Variants in NRG4 observed in about 807,000 individuals in gnomAD.
NRG4 encodes the protein neuregulin 4.
Under a neutral mutation model 15.0 loss-of-function variants are expected in NRG4, and 10 were observed. That is an observed-to-expected ratio of 0.67 (90% CI 0.41 to 1.13). NRG4 has a LOEUF of 1.13. NRG4 is among the 50% of genes most tolerant of loss of function. The pLI, the probability that NRG4 is intolerant of heterozygous loss-of-function variation, is 0.00. For missense variants in NRG4, 139 were observed against 140.2 expected (o/e 0.99, Z 0.04); for synonymous variants, 41 against 50.1 (o/e 0.82, Z 0.77).
chr15:75,983,242 G>A (rs190496692), intron 3 of NRG4, among the ~76,000 whole-genome samples: 1 of 152,226 alleles, frequency 6.6e-6, no homozygotes, highest in African/African-American at 2.4e-5. Flanking sequence ...TGCATAAAAA[G>A]TCTTAGCAGA....
chr15:75,943,664 A>T lies in NRG4; in HGVS notation c.332-10T>A, dbSNP rs759842571. ...CAGTGTTGTTCATGACCTGTGAAAA[A>T]TAAGTAAGAATTAAGATGCTTTCTC... On this transcript the variant is annotated splice_polypyrimidine_tract_variant and intron_variant, in intron 5 of 5. Transcript: ENST00000394907. 9 of 1,538,086 alleles carry T rather than the reference A, an allele frequency of 5.9e-6. No homozygotes were observed. In the African/African-American group the frequency reaches 1.2e-4, roughly 21 times the overall value.
At chr15:75,990,733 G>A (rs1292388275) in intron 3 of NRG4, among the ~76,000 whole-genome samples, 1 of 147,930 alleles carries the variant, frequency 6.8e-6, no homozygotes, top group African/African-American at 2.5e-5. Flanking sequence ...CCAGCCTGGA[G>A]CTGCAGTGGC....
At chr15:76,058,808 C>G (rs1405568967) in intron 1 of NRG4, among the ~76,000 whole-genome samples, 1 of 152,170 alleles carries the variant, frequency 6.6e-6, no homozygotes, top group Non-Finnish European at 1.5e-5. Flanking sequence ...GTGGAGAAGA[C>G]AAACGATAAT....
rs76115282 is a variant in NRG4, at chr15:75,983,332, T to C, written c.105-21358A>G. On this transcript the variant is annotated intron_variant, in intron 3 of 5. Transcript: ENST00000394907. The stretch of plus-strand genomic sequence containing the variant: ...AAACTAATAAAAACCCTCAATAAAA[T>C]AGAAATATAGTTACTTCCTTAGCAT... Among the ~76,000 whole-genome samples, 211 of 152,222 alleles carry C rather than the reference T, an allele frequency of 1.4e-3. 6 individuals carry two copies. In the East Asian group the frequency reaches 0.036, roughly 26 times the overall value.
exon 1 of NRG4, chr15:76,059,721 C>T (rs2036249205): frequency 6.6e-6 from 1 of 151,512 alleles, no homozygotes; most frequent in African/African-American, 2.4e-5. Flanking sequence ...CCGCCCCCTG[C>T]CCAGCTCAGG....
At chr15:76,033,668 T>A (rs1361536921) in intron 5 of NRG4, among the ~76,000 whole-genome samples, 1 of 152,192 alleles carries the variant, frequency 6.6e-6, no homozygotes, top group Non-Finnish European at 1.5e-5. Flanking sequence ...ATTTTCAGTA[T>A]TTTTTCTCCA....
At chr15:76,007,747 T>C (rs1202352421) in intron 3 of NRG4, among the ~76,000 whole-genome samples, 1 of 152,180 alleles carries the variant, frequency 6.6e-6, no homozygotes, top group Non-Finnish European at 1.5e-5. Context: ...CTTCTTCTGA[T>C]AAGCATTCTT....
At chr15:76,053,521 G>T (rs983689892) in intron 2 of NRG4, among the ~76,000 whole-genome samples, 1 of 150,862 alleles carries the variant, frequency 6.6e-6, no homozygotes, top group Non-Finnish European at 1.5e-5. Context: ...TAACTACATG[G>T]ATATGTACTT....
At position 75,981,652 on chromosome 15, in the gene NRG4, A is replaced by C. The variant is rs116659972; in HGVS notation, c.105-19678T>G. On this transcript the variant is annotated intron_variant, in intron 3 of 5. Coordinates refer to ENST00000394907, the MANE Select transcript of NRG4 (RefSeq NM_138573.4). The stretch of plus-strand genomic sequence containing the variant: ...TGAATGCAGCCCTGTGAGTGACCCA[A>C]GATGACACCATGTAGAGTGGCACTG... Among the ~76,000 whole-genome samples the C allele has an allele frequency of 2.8e-3, 430 of 152,326 alleles. 2 individuals are homozygous for C. Among genetic ancestry groups the C allele is most frequent in the African/African-American group, 9.7e-3 (404 of 41,576 alleles).
At chr15:75,946,330 A>C (rs1344085791) in intron 5 of NRG4, among the ~76,000 whole-genome samples, 1 of 152,146 alleles carries the variant, frequency 6.6e-6, no homozygotes, top group African/African-American at 2.4e-5. Context: ...CAACCATCAC[A>C]CCATCTCCAG....
chr15:76,027,959 G>GT, intron 5 of NRG4, among the ~76,000 whole-genome samples: 1 of 152,130 alleles, frequency 6.6e-6, no homozygotes, highest in Non-Finnish European at 1.5e-5. Context: ...AAATCAGAAA[G>GT]TCCCATGAGA....
At chr15:76,000,925 A>G (rs1277075561) in intron 3 of NRG4, among the ~76,000 whole-genome samples, 1 of 152,198 alleles carries the variant, frequency 6.6e-6, no homozygotes, top group African/African-American at 2.4e-5. Context: ...GAAATACAGG[A>G]TAGTACATAT....
chr15:75,993,165 AT>A (rs1206506210), intron 3 of NRG4, among the ~76,000 whole-genome samples: 1 of 150,414 alleles, frequency 6.6e-6, no homozygotes, highest in Non-Finnish European at 1.5e-5. Flanking sequence ...TTCTCTTTAT[AT>A]TTTTTTCCTC....
At chr15:76,035,602 A>G (rs1197834237) in intron 5 of NRG4, among the ~76,000 whole-genome samples, 1 of 152,170 alleles carries the variant, frequency 6.6e-6, no homozygotes, top group Non-Finnish European at 1.5e-5. Flanking sequence ...GCAGTGTTAT[A>G]GAAATACATT....
chr15:75,943,948 A>C (rs937973604), intron 5 of NRG4, among the ~76,000 whole-genome samples: 2 of 148,184 alleles, frequency 1.3e-5, no homozygotes, highest in African/African-American at 5.0e-5. Flanking sequence ...CCTCTTACCC[A>C]AAGTTCTAAC....
At chr15:76,030,937 G>T (rs1017125540) in intron 5 of NRG4, among the ~76,000 whole-genome samples, 1 of 151,902 alleles carries the variant, frequency 6.6e-6, no homozygotes, top group South Asian at 2.1e-4. Flanking sequence ...TTAAAGAAAA[G>T]AAAATTACTA....
intron 5 of NRG4, among the ~76,000 whole-genome samples, chr15:76,023,635 G>C (rs2035226097): frequency 6.6e-6 from 1 of 152,128 alleles, no homozygotes; most frequent in Non-Finnish European, 1.5e-5. Flanking sequence ...CTTGAAATTA[G>C]AGCCACCTCT....
At chr15:76,037,598 T>C (rs575214232) in intron 4 of NRG4, among the ~76,000 whole-genome samples, 2 of 152,198 alleles carry the variant, frequency 1.3e-5, no homozygotes, top group East Asian at 3.9e-4. Context: ...TCTGGGGCCC[T>C]AAATAAACCG....
At position 75,961,856 on chromosome 15, in the gene NRG4, T is replaced by G. The variant is rs1439540694; in HGVS notation, c.223A>C (p.Ile75Leu). 1.2e-6 allele frequency: 2 copies of G among 1,613,496 alleles called. No homozygotes were observed. The highest frequency in any genetic ancestry group is 1.7e-6 in the Non-Finnish European group (2 of 1,179,606). Residue 75 changes from isoleucine to leucine, a missense_variant, in exon 4 of 6, where the codon ATC (isoleucine) becomes CTC (leucine). Transcript: ENST00000394907. ...CAAAGGAAGTAGAAGGCTCCAATGA[T>G]AAGTGTTACTAGGACCGCCAATGCC... The part of the protein sequence containing the change: ...FVALAVLVTL[I>L]IGAFYFLCRK...
Sources: allele counts gnomAD v4.1 joint callset (sites outside exome capture counted in the v4.1 genomes callset), GRCh38; gene constraint gnomAD v4.1.1; transcripts MANE v1.5; gene names NCBI Gene and HGNC (gene_info 2026-07-23, HGNC 2026-07-21).